RRP1B: variants seen among roughly 807,000 people sequenced by gnomAD.
The protein encoded by RRP1B is ribosomal RNA processing protein 1 homolog B.
RRP1B carries 56 observed loss-of-function variants against 80.2 expected under a neutral mutation model. The observed-to-expected ratio is 0.70, with a 90% CI of 0.56 to 0.87. RRP1B has a LOEUF of 0.87. RRP1B is among the 40% of genes least tolerant of loss of function. The pLI is 0.00. For synonymous variants in RRP1B, 351 were observed against 357.6 expected (o/e 0.98, Z 0.21); for missense variants, 807 against 939.8 (o/e 0.86, Z 1.85).
intron 1 of RRP1B, among the ~76,000 whole-genome samples, chr21:43,664,816 G>T (rs962159347): frequency 2.0e-5 from 3 of 152,194 alleles, no homozygotes; most frequent in African/African-American, 7.2e-5. Context: ...ATGGCGGCAG[G>T]CAAGCGGGTA....
At chr21:43,662,071 C>T (rs1397479262) in intron 1 of RRP1B, among the ~76,000 whole-genome samples, 2 of 152,214 alleles carry the variant, frequency 1.3e-5, no homozygotes, top group Non-Finnish European at 2.9e-5. Context: ...CATCTGTTTT[C>T]TTAGCCAGAA....
At chr21:43,683,122 C>G (rs956655329) in intron 8 of RRP1B, among the ~76,000 whole-genome samples, 157 bp from the exon 9 acceptor site, 2 of 152,220 alleles carry the variant, frequency 1.3e-5, no homozygotes, top group African/African-American at 4.8e-5. Context: ...ATCCACCCAC[C>G]TCAGCCTCCC....
intron 13 of RRP1B, among the ~76,000 whole-genome samples, chr21:43,689,314 T>C (rs1461414794): frequency 6.6e-6 from 1 of 152,272 alleles, no homozygotes; most frequent in African/African-American, 2.4e-5. Context: ...CACACCGCTT[T>C]GCGGAGATTA....
intron 1 of RRP1B, among the ~76,000 whole-genome samples, chr21:43,661,932 G>T (rs1024298463): frequency 2.6e-5 from 4 of 152,156 alleles, no homozygotes. Flanking sequence ...CCTTCAAAAA[G>T]CCTCGCCTAG....
chr21:43,664,909 G>A (rs962409142), intron 1 of RRP1B, among the ~76,000 whole-genome samples: 5 of 151,262 alleles, frequency 3.3e-5, no homozygotes, highest in South Asian at 4.2e-4. Context: ...AGAAAAACCC[G>A]TCCCCGTGAT....
intron 8 of RRP1B, among the ~76,000 whole-genome samples, chr21:43,682,677 C>T (rs1045276073): frequency 5.3e-5 from 8 of 152,234 alleles, no homozygotes; most frequent in Non-Finnish European, 1.0e-4. Flanking sequence ...TCCCATGCAC[C>T]GCAGCCTTCG....
chr21:43,693,703 AAATC>A lies in RRP1B; in HGVS notation c.*326_*329del, dbSNP rs140621760. The A allele has an allele frequency of 4.2e-3, 1,122 of 265,592 alleles. 10 individuals are homozygous for A. Among genetic ancestry groups the A allele is most frequent in the African/African-American group, 0.024 (1,043 of 44,164 alleles). 16.5% of individuals were successfully genotyped at this position (265,592 alleles called of 1,614,324 possible). A position where few individuals can be genotyped will look rare whatever the true frequency, so the allele number is the denominator to read the frequency against. On this transcript the variant is annotated 3_prime_UTR_variant, in exon 16 of 16. Transcript: ENST00000340648. This position sits in a 1 kb window ranked among gnomAD's most constrained non-coding sequence, Gnocchi z 4.1. ...AGGAGAGCACGTTGATCTGAACTTT[AAATC>A]AATCAGTGCTGCTGGCACAATGAAA...
chr21:43,676,247 AT>A, intron 6 of RRP1B, 24 bp from the exon 7 acceptor site: 2 of 1,562,316 alleles, frequency 1.3e-6, no homozygotes, highest in Non-Finnish European at 1.8e-6. Context: ...CTCTTTCTCA[AT>A]TTTTCCCTTT....
intron 3 of RRP1B, 86 bp from the exon 4 acceptor site, chr21:43,673,784 T>C: frequency 1.3e-6 from 1 of 758,502 alleles, no homozygotes; most frequent in South Asian, 1.8e-5. Context: ...TAAATAATGC[T>C]AGTTTGTTCC....
chr21:43,659,573 G>A lies in RRP1B; in HGVS notation c.-92G>A. On this transcript the variant is annotated 5_prime_UTR_variant, in exon 1 of 16. Coordinates refer to ENST00000340648, the MANE Select transcript of RRP1B (RefSeq NM_015056.3). This position sits in a 1 kb window ranked among gnomAD's most constrained non-coding sequence, Gnocchi z 4.2. ...CGCCGCCGCCTTCTGTGCAGTCGCG[G>A]CCCGGGCGGACGGTGGCTGGCTGCT... 8.0e-7 allele frequency: 1 copy of A among 1,242,406 alleles called. No homozygotes were observed. Among genetic ancestry groups the A allele is most frequent in the African/African-American group, 1.6e-5 (1 of 63,034 alleles). The allele number at this position is 1,242,406 out of a possible 1,614,324, so 77.0% of individuals were successfully genotyped here.
intron 15 of RRP1B, among the ~76,000 whole-genome samples, chr21:43,692,788 C>T (rs1365758938): frequency 6.6e-6 from 1 of 152,110 alleles, no homozygotes; most frequent in Non-Finnish European, 1.5e-5. Context: ...GACTGAGGAG[C>T]TCACCCAGCC....
chr21:43,673,757 C>A, intron 3 of RRP1B, 113 bp from the exon 4 acceptor site: 1 of 611,526 alleles, frequency 1.6e-6, no homozygotes. Flanking sequence ...CCAAGAATTA[C>A]TGAGAAAAGT....
At chr21:43,688,279 GCACT>G in intron 13 of RRP1B, 39 bp downstream of exon 13, 1 of 1,485,168 alleles carries the variant, frequency 6.7e-7, no homozygotes, top group South Asian at 1.4e-5. Flanking sequence ...CGCCACAGAG[GCACT>G]CACTCGCGTC....
At chr21:43,668,003 T>G (rs1283648312) in intron 1 of RRP1B, among the ~76,000 whole-genome samples, 1 of 151,882 alleles carries the variant, frequency 6.6e-6, no homozygotes, top group East Asian at 1.9e-4. Context: ...AGGTCAGGAG[T>G]TCCGGACCAG....
In RRP1B at chr21:43,674,708, C is replaced by T. The variant is rs2083014466; in HGVS notation, c.419+11C>T. The T allele has an allele frequency of 6.3e-7, 1 of 1,591,576 alleles. No individual in the cohort carries two copies. The highest frequency in any genetic ancestry group is 2.3e-5 in the East Asian group (1 of 43,566). The stretch of plus-strand genomic sequence containing the variant: ...TGGCTGGGAAGAAAGGTCAGTAAAC[C>T]ATTTGAGTTAGCATGTGGTAGCCTT... On this transcript the variant is annotated intron_variant, in intron 5 of 15. Coordinates refer to ENST00000340648, the MANE Select transcript of RRP1B (RefSeq NM_015056.3).
At chr21:43,669,814 TCAC>T (rs1275787441) in intron 1 of RRP1B, 67 bp from the exon 2 acceptor site, 16 of 1,107,194 alleles carry the variant, frequency 1.4e-5, no homozygotes, top group Non-Finnish European at 1.9e-5. Flanking sequence ...ATGTGATACT[TCAC>T]CACTTTCTAA....
Position 43,693,108 on chromosome 21 carries a change from C to A in RRP1B, c.2084-82C>A, listed in dbSNP as rs949447286. 6.8e-6 allele frequency: 10 copies of A among 1,475,506 alleles called. No individual in the cohort carries two copies. The highest frequency in any genetic ancestry group is 2.2e-4 in the Middle Eastern group (1 of 4,516). The allele number at this position is 1,475,506 out of a possible 1,614,324, so 91.4% of individuals were successfully genotyped here. A position where few individuals can be genotyped will look rare whatever the true frequency, so the allele number is the denominator to read the frequency against. ...TCCTAGCAAGTGGGTGGGGTCGGCA[C>A]CCAGGCAGGACGCTGTCTAAGGTGT... is the stretch of plus-strand genomic sequence containing the variant. On this transcript the variant is annotated intron_variant, in intron 15 of 15. Coordinates refer to ENST00000340648, the MANE Select transcript of RRP1B (RefSeq NM_015056.3). This position sits in a 1 kb window ranked among gnomAD's most constrained non-coding sequence, Gnocchi z 4.1.
chr21:43,681,666 C>T (rs532513005), intron 8 of RRP1B, among the ~76,000 whole-genome samples: 2 of 150,058 alleles, frequency 1.3e-5, no homozygotes, highest in East Asian at 2.1e-4. Flanking sequence ...AGAAAAAATA[C>T]TCTGGCCAGG....
At chr21:43,675,344 G>A (rs1360854923) in intron 6 of RRP1B, among the ~76,000 whole-genome samples, 181 bp downstream of exon 6, 1 of 152,152 alleles carries the variant, frequency 6.6e-6, no homozygotes, top group Non-Finnish European at 1.5e-5. Context: ...GTGCACTGAG[G>A]ATGTACATGA....
Sources: allele counts gnomAD v4.1 joint callset (sites outside exome capture counted in the v4.1 genomes callset), GRCh38; gene constraint gnomAD v4.1.1; non-coding constraint Gnocchi (gnomAD v3.1); transcripts MANE v1.5; gene names NCBI Gene and HGNC (gene_info 2026-07-23, HGNC 2026-07-21).